The following GPC6 variants were observed in gnomAD, a reference collection of about 807,000 sequenced individuals.
GPC6 encodes glypican 6, also known as glypican-6.
GPC6 carries 14 observed loss-of-function variants against 55.2 expected under a neutral mutation model. The ratio of observed to expected loss-of-function variants is 0.25; its 90% CI spans 0.17 to 0.40. GPC6 has a LOEUF of 0.40. Ranked by LOEUF, GPC6 falls within the 10% of genes least tolerant of loss-of-function variation. The pLI is 1.00. For synonymous variants in GPC6, 278 were observed against 259.6 expected, an observed-to-expected ratio of 1.07 and a Z score of -0.68; for missense variants, 641 against 708.5, an observed-to-expected ratio of 0.90 and a Z score of 1.08.
At chr13:94,081,602 G>T (rs955472240) in intron 4 of GPC6, among the ~76,000 whole-genome samples, 1 of 152,118 alleles carries the variant, frequency 6.6e-6, no homozygotes, top group Non-Finnish European at 1.5e-5. Context: ...GCAAGCAGGA[G>T]TTCTACAAAA....
At chr13:93,502,413 G>A (rs1202268181) in intron 1 of GPC6, among the ~76,000 whole-genome samples, 1 of 152,070 alleles carries the variant, frequency 6.6e-6, no homozygotes, top group Non-Finnish European at 1.5e-5. Flanking sequence ...TACAGAATGT[G>A]TTCTTCAATT....
At chr13:93,967,913 A>T (rs750180456) in intron 3 of GPC6, among the ~76,000 whole-genome samples, 1 of 152,190 alleles carries the variant, frequency 6.6e-6, no homozygotes, top group Non-Finnish European at 1.5e-5. Flanking sequence ...ATTGGACTGA[A>T]TAGATCTTCT....
At chr13:93,498,869 A>T (rs1880409354) in intron 1 of GPC6, among the ~76,000 whole-genome samples, 1 of 152,098 alleles carries the variant, frequency 6.6e-6, no homozygotes, top group Non-Finnish European at 1.5e-5. Flanking sequence ...TCAAAATCCT[A>T]GTTATTTAAA....
chr13:93,958,109 T>C (rs1879592493), intron 3 of GPC6, among the ~76,000 whole-genome samples: 1 of 152,230 alleles, frequency 6.6e-6, no homozygotes, highest in Non-Finnish European at 1.5e-5. Flanking sequence ...AGAGTCTAGA[T>C]GTTAGACCTT....
At chr13:93,523,012 AAT>A (rs748650988) in intron 1 of GPC6, among the ~76,000 whole-genome samples, 99 of 47,034 alleles carry the variant, frequency 2.1e-3, no homozygotes, top group South Asian at 9.6e-3. Flanking sequence ...AGAGGGAAAA[AAT>A]ATATATATAT....
intron 3 of GPC6, among the ~76,000 whole-genome samples, chr13:93,959,069 C>T (rs895329797): frequency 3.4e-4 from 52 of 151,964 alleles, no homozygotes; most frequent in African/African-American, 1.2e-3. Flanking sequence ...TTCTAGTAGC[C>T]TTTCGACAGC....
In GPC6 at chr13:93,779,368, T is replaced by C. The variant is rs193017765; in HGVS notation, c.320-50786T>C. On this transcript the variant is annotated intron_variant, in intron 2 of 8. Coordinates refer to ENST00000377047, the MANE Select transcript of GPC6 (RefSeq NM_005708.5). ...ACTTGATGACAATCTAAATGAAGTT[T>C]GTTCCTTCAACTCATTCTGGTGTCT... Among the ~76,000 whole-genome samples the C allele has an allele frequency of 7.7e-4, 117 of 152,346 alleles. 1 individual carries two copies. The highest frequency in any genetic ancestry group is 5.1e-4 in the Non-Finnish European group (35 of 68,030).
At chr13:93,285,729 G>C (rs548464463) in intron 1 of GPC6, among the ~76,000 whole-genome samples, 85 of 150,652 alleles carry the variant, frequency 5.6e-4, no homozygotes, top group Admixed American at 1.1e-3. Context: ...AGGTTAAATA[G>C]TTAGCAAAAC....
At chr13:93,568,953 A>G (rs960942866) in intron 2 of GPC6, among the ~76,000 whole-genome samples, 15 of 152,068 alleles carry the variant, frequency 9.9e-5, no homozygotes, top group Admixed American at 2.0e-4. Flanking sequence ...AGGATTGGAG[A>G]GTTGCAAAGA....
intron 3 of GPC6, among the ~76,000 whole-genome samples, chr13:93,880,188 C>T (rs997360903): frequency 2.0e-5 from 3 of 150,422 alleles, no homozygotes; most frequent in African/African-American, 7.3e-5. Context: ...CTAGAAATAC[C>T]ATTTGACCCA....
At chr13:93,437,307 T>G (rs1398582448) in intron 1 of GPC6, among the ~76,000 whole-genome samples, 1 of 152,152 alleles carries the variant, frequency 6.6e-6, no homozygotes, top group Non-Finnish European at 1.5e-5. Context: ...TATTTTCCAC[T>G]TTAAATCAAA....
chr13:94,348,173 A>T (rs1878377083), intron 6 of GPC6, among the ~76,000 whole-genome samples: 1 of 152,240 alleles, frequency 6.6e-6, no homozygotes, highest in African/African-American at 2.4e-5. Flanking sequence ...ACTTCTACCA[A>T]AATGAGCTTT....
At chr13:93,706,886 A>G (rs1288640287) in intron 2 of GPC6, among the ~76,000 whole-genome samples, 1 of 151,910 alleles carries the variant, frequency 6.6e-6, no homozygotes, top group Non-Finnish European at 1.5e-5. Flanking sequence ...GTAAGATATG[A>G]ACAATGGTCC....
intron 4 of GPC6, among the ~76,000 whole-genome samples, chr13:94,143,105 G>T (rs138180784): frequency 6.6e-6 from 1 of 151,030 alleles, no homozygotes; most frequent in Admixed American, 6.6e-5. Flanking sequence ...GATTACAGAC[G>T]TGAGCCACCA....
intron 3 of GPC6, among the ~76,000 whole-genome samples, chr13:93,928,729 ACT>A (rs199610816): frequency 0.14 from 21,596 of 152,066 alleles, 1,788 homozygotes; most frequent in Middle Eastern, 0.26. Context: ...ATTATTCTGT[ACT>A]AGTATGACGA....
At chr13:93,827,231 T>C (rs908507100) in intron 2 of GPC6, among the ~76,000 whole-genome samples, 1 of 152,214 alleles carries the variant, frequency 6.6e-6, no homozygotes, top group Non-Finnish European at 1.5e-5. Context: ...ATATTGTCCT[T>C]GAATTTTGTT....
Position 93,879,839 on chromosome 13 carries a change from A to G in GPC6, c.711+49294A>G, listed in dbSNP as rs527389048. On this transcript the variant is annotated intron_variant, in intron 3 of 8. Transcript: ENST00000377047. Reference sequence around the variant, plus strand: ...ATCTGAAAAAGGGCTAATATCCAGAATCTACAATGAACTCAAACAAATTTA... The same window carrying G: ...ATCTGAAAAAGGGCTAATATCCAGAGTCTACAATGAACTCAAACAAATTTA... Among the ~76,000 whole-genome samples the G allele has an allele frequency of 4.6e-3, 702 of 152,248 alleles. 6 individuals carry two copies. Among genetic ancestry groups the G allele is most frequent in the African/African-American group, 0.016 (673 of 41,534 alleles).
intron 2 of GPC6, among the ~76,000 whole-genome samples, chr13:93,674,668 T>C (rs1331118258): frequency 1.3e-5 from 2 of 152,178 alleles, no homozygotes; most frequent in African/African-American, 4.8e-5. Flanking sequence ...ATCGACAGAA[T>C]GAGGAGTGTT....
chr13:93,715,919 A>G (rs765706000), intron 2 of GPC6, among the ~76,000 whole-genome samples: 28 of 151,650 alleles, frequency 1.8e-4, no homozygotes, highest in Non-Finnish European at 3.5e-4. Flanking sequence ...AGCCCTGTCT[A>G]TTCTAGATAT....
Sources: allele counts gnomAD v4.1 joint callset (sites outside exome capture counted in the v4.1 genomes callset), GRCh38; gene constraint gnomAD v4.1.1; transcripts MANE v1.5; gene names NCBI Gene and HGNC (gene_info 2026-07-23, HGNC 2026-07-21).